Variants in ALOXE3 observed in about 807,000 individuals in gnomAD.
The protein encoded by ALOXE3 is hydroperoxide isomerase ALOXE3.
Under a neutral mutation model 87.5 loss-of-function variants are expected in ALOXE3, and 78 were observed. The observed-to-expected ratio is 0.89, with a 90% CI of 0.74 to 1.08. The LOEUF is 1.08. Ranked by LOEUF, ALOXE3 falls within the 50% of genes least tolerant of loss-of-function variation. ALOXE3 has a pLI of 0.00. For missense variants in ALOXE3, 946 were observed against 912.4 expected (o/e 1.04, Z -0.47); for synonymous variants, 363 against 370.8 (o/e 0.98, Z 0.24).
intron 2 of ALOXE3, 44 bp downstream of exon 2, chr17:8,117,800 C>T (rs749335876): frequency 3.8e-6 from 6 of 1,597,350 alleles, no homozygotes; most frequent in Non-Finnish European, 5.1e-6. Flanking sequence ...GCCTGCGGCC[C>T]CTGCCCCTCT....
rs547222125 is a variant in ALOXE3, at chr17:8,108,550, G to A, written c.1602C>T (p.Asp534=). 11 of 1,613,236 alleles carry A rather than the reference G, an allele frequency of 6.8e-6. No individual in the cohort carries two copies. Among genetic ancestry groups the A allele is most frequent in the African/African-American group, 1.3e-5 (1 of 75,014 alleles). ...GCTCCGAATCCTGCTGCACAGATGC[G>A]TCACTGGGATAATAGTAGCCCACGA... ...SEIVGYYYPS[D]ASVQQDSELQ... is the part of the protein sequence containing the mutation. Residue 534 remains aspartate (D), a synonymous_variant, in exon 13 of 16, where the codon GAC becomes GAT. Transcript: ENST00000448843.
chr17:8,103,345 A>G lies in ALOXE3; in HGVS notation c.1934T>C (p.Val645Ala), dbSNP rs772042702. The change falls in exon 15 of 16, where the codon GTT (valine) becomes GCT (alanine). Residue 645 changes from valine (V) to alanine (A), a missense_variant. Coordinates refer to ENST00000448843, the MANE Select transcript of ALOXE3 (RefSeq NM_021628.3). ...CACCTGGTCCTTGGGTTCTTGGCTAACCAACCAGAAGAGGAGGAGGTTGTT... is the reference window on the plus strand; with the variant it reads ...CACCTGGTCCTTGGGTTCTTGGCTAGCCAACCAGAAGAGGAGGAGGTTGTT... ...SCNNLLLFWLVSQEPKDQRPL... is the reference protein window; with the variant it reads ...SCNNLLLFWLASQEPKDQRPL... The G allele has an allele frequency of 1.9e-6, 3 of 1,613,942 alleles. No homozygotes were observed. Among genetic ancestry groups the G allele is most frequent in the Non-Finnish European group, 8.5e-7 (1 of 1,179,932 alleles).
chr17:8,098,911 T>C lies in ALOXE3; in HGVS notation c.1957-2105A>G, dbSNP rs1424087545. ...TGTCACCCAGGCAGAAGTGTAGCGA[T>C]GGGATCACAGCTTACCACAGCCTTG... On this transcript the variant is annotated intron_variant, in intron 15 of 15. Transcript: ENST00000448843. Among the ~76,000 whole-genome samples the C allele has an allele frequency of 2.0e-5, 3 of 152,020 alleles. No individual in the cohort carries two copies. In the East Asian group the frequency reaches 5.8e-4, roughly 29 times the overall value.
intron 4 of ALOXE3, among the ~76,000 whole-genome samples, chr17:8,115,305 G>A (rs1041792319): frequency 1.3e-5 from 2 of 152,192 alleles, no homozygotes; most frequent in African/African-American, 4.8e-5. Flanking sequence ...GTTTAGTGGG[G>A]GAGGCTGAGA....
At position 8,118,016 on chromosome 17, in the gene ALOXE3, G is replaced by T. The variant is rs754753091; in HGVS notation, c.-26C>A. 3 of 1,606,786 alleles carry T rather than the reference G, an allele frequency of 1.9e-6. No homozygotes were observed. In the South Asian group the frequency reaches 3.3e-5, roughly 18 times the overall value. On this transcript the variant is annotated 5_prime_UTR_variant, in exon 2 of 16. Transcript: ENST00000448843. ...GATGGGAAGGAGGAAGGGATGCCCC[G>T]GCAACGCTGGCCGCAGCAGCAGCCG...
At chr17:8,113,090 CTA>C (rs1243528273) in intron 6 of ALOXE3, among the ~76,000 whole-genome samples, 1 of 152,196 alleles carries the variant, frequency 6.6e-6, no homozygotes. Flanking sequence ...TACTCCATCT[CTA>C]TGATAAAAAT....
In ALOXE3 at chr17:8,118,039, C is replaced by T. The variant is rs779126283; in HGVS notation, c.-49G>A. On this transcript the variant is annotated 5_prime_UTR_variant, in exon 2 of 16. Coordinates refer to ENST00000448843, the MANE Select transcript of ALOXE3 (RefSeq NM_021628.3). ...CCGGCAACGCTGGCCGCAGCAGCAG[C>T]CGGCCTGGAGGAGAAGAGCGGCACG... 64 of 1,599,102 alleles carry T rather than the reference C, an allele frequency of 4.0e-5. No homozygotes were observed. In the African/African-American group the frequency reaches 6.7e-4, roughly 17 times the overall value.
At chr17:8,117,030 C>T (rs1980661890) in intron 2 of ALOXE3, 50 bp from the exon 3 acceptor site, 10 of 1,557,422 alleles carry the variant, frequency 6.4e-6, no homozygotes, top group South Asian at 2.3e-5. Context: ...ACTGCCAAGG[C>T]GGTCCTTGCG....
At chr17:8,107,615 T>C (rs1316499152) in intron 13 of ALOXE3, among the ~76,000 whole-genome samples, 1 of 150,892 alleles carries the variant, frequency 6.6e-6, no homozygotes, top group Non-Finnish European at 1.5e-5. Context: ...CTGGCTAACA[T>C]GGTGAAATCC....
intron 7 of ALOXE3, 73 bp downstream of exon 7, chr17:8,112,020 C>T: frequency 7.1e-7 from 1 of 1,411,824 alleles, no homozygotes; most frequent in Non-Finnish European, 1.0e-6. Flanking sequence ...GGGCCCTTTC[C>T]CAGGAAGGAG....
Position 8,103,502 on chromosome 17 carries a change from A to AC in ALOXE3, c.1786-10dup, listed in dbSNP as rs766269507. The AC allele has an allele frequency of 6.2e-7, 1 of 1,613,114 alleles. No homozygotes were observed. The highest frequency in any genetic ancestry group is 1.7e-5 in the Admixed American group (1 of 59,930). On this transcript the variant is annotated splice_polypyrimidine_tract_variant and intron_variant, in intron 14 of 15. Transcript: ENST00000448843. ...CAGGCCCCAAAGTCATGCTGTGGAG[A>AC]CCCCCATCCCAGTTGGGTCAGTTGG...
chr17:8,107,884 A>G (rs1263842447), intron 13 of ALOXE3, among the ~76,000 whole-genome samples: 181 of 4,346 alleles, frequency 0.042, 37 homozygotes, highest in Non-Finnish European at 0.093. Context: ...AAAGAAAGAA[A>G]GAAAGAAAGA....
chr17:8,113,830 C>T (rs1416272005), intron 6 of ALOXE3, among the ~76,000 whole-genome samples: 1 of 152,010 alleles, frequency 6.6e-6, no homozygotes, highest in Non-Finnish European at 1.5e-5. Flanking sequence ...AGTTTGAGAC[C>T]AGCCTAACCA....
chr17:8,113,607 C>A (rs571087137), intron 6 of ALOXE3, among the ~76,000 whole-genome samples: 1 of 151,998 alleles, frequency 6.6e-6, no homozygotes, highest in South Asian at 2.1e-4. Context: ...GAGCCAAGAT[C>A]GAGCCACTGC....
chr17:8,107,928 A>G (rs1598204737), intron 13 of ALOXE3, among the ~76,000 whole-genome samples: 1 of 6,110 alleles, frequency 1.6e-4, no homozygotes, highest in East Asian at 7.2e-4. Context: ...AAAGAAAGAA[A>G]GAAAGAAAGA....
intron 13 of ALOXE3, among the ~76,000 whole-genome samples, chr17:8,105,109 G>T (rs1023343055): frequency 6.6e-6 from 1 of 152,102 alleles, no homozygotes; most frequent in African/African-American, 2.4e-5. Context: ...GTCACCCCTC[G>T]CTAAAACCCT....
chr17:8,109,220 A>G lies in ALOXE3; in HGVS notation c.1516T>C (p.Tyr506His). 6.2e-7 allele frequency: 1 copy of G among 1,613,880 alleles called. No homozygotes were observed. The highest frequency in any genetic ancestry group is 8.5e-7 in the Non-Finnish European group (1 of 1,180,008). ...RARGVLAIPN[Y>H]HYRDDGLKIW... Reference sequence around the variant, plus strand: ...TTCAGGCCGTCGTCTCGGTAGTGGTAGTTGGGGATAGCCAGGACGCCGCGG... The same window carrying G: ...TTCAGGCCGTCGTCTCGGTAGTGGTGGTTGGGGATAGCCAGGACGCCGCGG... Residue 506 changes from tyrosine (Y) to histidine (H), a missense_variant, in exon 12 of 16, where the codon TAC (tyrosine) becomes CAC (histidine). Coordinates refer to ENST00000448843, the MANE Select transcript of ALOXE3 (RefSeq NM_021628.3).
intron 8 of ALOXE3, 68 bp from the exon 9 acceptor site, chr17:8,110,596 C>G: frequency 6.2e-7 from 1 of 1,605,182 alleles, no homozygotes; most frequent in Non-Finnish European, 8.5e-7. Context: ...CATTTCCCTG[C>G]CCACTTCCAC....
At position 8,111,418 on chromosome 17, in the gene ALOXE3, T is replaced by C. The variant is rs746607480; in HGVS notation, c.898A>G (p.Thr300Ala). The C allele has an allele frequency of 3.1e-6, 5 of 1,614,110 alleles. No homozygotes were observed. In the South Asian group the frequency reaches 5.5e-5, roughly 18 times the overall value. The change falls in exon 8 of 16, where the codon ACC (threonine) becomes GCC (alanine). Residue 300 changes from threonine to alanine, a missense_variant. Transcript: ENST00000448843. ...ISSLPSKLPV[T>A]NDMVAPLLGQ... ...AGCAAGGGGGCCACCATGTCATTGG[T>C]GACAGGCAGCTTGCTGGGCAAGCTA...
Sources: gnomAD v4.1 joint callset for allele counts (sites outside exome capture counted in the v4.1 genomes callset) on GRCh38, gnomAD v4.1.1 for gene constraint, MANE v1.5 for transcripts, NCBI Gene and HGNC (gene_info 2026-07-23, HGNC 2026-07-21) for gene names.